TFR2: variants seen among roughly 807,000 people sequenced by gnomAD.
TFR2 encodes transferrin receptor protein 2.
In TFR2, 64 loss-of-function variants were observed where a neutral mutation model predicts 91.9. The observed-to-expected ratio is 0.70, with a 90% confidence interval of 0.57 to 0.86. The LOEUF (loss-of-function observed/expected upper bound fraction) is 0.86, where lower values mean the gene tolerates loss of function less well. TFR2 is among the 40% of genes least tolerant of loss of function. The pLI is 0.00. For synonymous variants in TFR2, 454 were observed against 459.6 expected (o/e 0.99, Z 0.15); for missense variants, 950 against 1,080.5 (o/e 0.88, Z 1.69).
At chr7:100,622,827 T>C (rs967468540) in intron 17 of TFR2, among the ~76,000 whole-genome samples, 1 of 152,012 alleles carries the variant, frequency 6.6e-6, no homozygotes, top group African/African-American at 2.4e-5. Context: ...GGTATGCTGA[T>C]GTGTCCCTGT....
intron 17 of TFR2, among the ~76,000 whole-genome samples, chr7:100,623,326 G>C (rs1201877420): frequency 6.6e-6 from 1 of 152,178 alleles, no homozygotes; most frequent in African/African-American, 2.4e-5. Context: ...TCTATTCTAA[G>C]ACAACTATTA....
At chr7:100,637,812 C>CA (rs201023789) in intron 3 of TFR2, among the ~76,000 whole-genome samples, 11 of 133,434 alleles carry the variant, frequency 8.2e-5, no homozygotes, top group Admixed American at 6.7e-4. Context: ...GGCCCTGTCT[C>CA]AAAAAAAAAT....
chr7:100,639,503 A>G (rs568172473), intron 3 of TFR2, among the ~76,000 whole-genome samples: 107 of 152,338 alleles, frequency 7.0e-4, no homozygotes, highest in African/African-American at 2.5e-3. Flanking sequence ...CATTGCTATT[A>G]AAGTCAGGAA....
chr7:100,621,166 G>A (rs1417362085), intron 17 of TFR2, 40 bp from the exon 18 acceptor site: 2 of 1,450,556 alleles, frequency 1.4e-6, no homozygotes, highest in South Asian at 1.5e-5. Context: ...TGGGGGCTCT[G>A]GCTCGGGAGC....
At chr7:100,633,386 C>CT in intron 4 of TFR2, 30 bp downstream of exon 4, 2 of 1,607,452 alleles carry the variant, frequency 1.2e-6, no homozygotes, top group Non-Finnish European at 1.7e-6. Context: ...TCCCCCTCCC[C>CT]GCGCGCCCCC....
rs559992587 is a variant in TFR2 at position 100,624,004 on chromosome 7, C to T, written c.2136+2759G>A. Among the ~76,000 whole-genome samples the T allele has an allele frequency of 2.1e-4, 32 of 151,792 alleles. No individual in the cohort carries two copies. In the South Asian group the frequency reaches 5.2e-3, roughly 25 times the overall value. ...CCGACAGGCAGAGGTTACAGTGAGC[C>T]GGGATCGCGCCACTGCACTCCAGTC... On this transcript the variant is annotated intron_variant, in intron 17 of 17. Transcript: ENST00000223051.
Position 100,627,284 on chromosome 7 carries a change from C to T in TFR2, c.1975G>A (p.Glu659Lys), listed in dbSNP as rs1247335630. 1 of 1,549,254 alleles carries T rather than the reference C, an allele frequency of 6.5e-7. No individual in the cohort carries two copies. Among genetic ancestry groups the T allele is most frequent in the Middle Eastern group, 2.2e-4 (1 of 4,458 alleles). ...TGAACCTTGAGGTCCCCAGAGAACTCGTTGAGGTTCCCGATGTGCCTGAGG... is the reference window on the plus strand; with the variant it reads ...TGAACCTTGAGGTCCCCAGAGAACTTGTTGAGGTTCCCGATGTGCCTGAGG... The part of the protein sequence containing the change: ...VVLRHIGNLN[E>K]FSGDLKARGL... Residue 659 changes from glutamate (E) to lysine (K), a missense_variant, in exon 16 of 18, where the codon GAG becomes AAG. Coordinates refer to ENST00000223051, the MANE Select transcript of TFR2 (RefSeq NM_003227.4).
chr7:100,631,158 C>G (rs1165628038), intron 8 of TFR2, 106 bp from the exon 9 acceptor site: 3 of 1,303,452 alleles, frequency 2.3e-6, no homozygotes, highest in Non-Finnish European at 3.1e-6. Flanking sequence ...GGCTCCAGAT[C>G]GCTGCCTCTG....
At chr7:100,632,941 C>G in intron 6 of TFR2, 60 bp downstream of exon 6, 1 of 1,613,304 alleles carries the variant, frequency 6.2e-7, no homozygotes, top group East Asian at 2.2e-5. Context: ...ACGATTCTCA[C>G]TGGCAGTCCG....
intron 3 of TFR2, among the ~76,000 whole-genome samples, chr7:100,636,170 C>CTTT (rs10584926): frequency 9.3e-5 from 8 of 85,710 alleles, no homozygotes; most frequent in Non-Finnish European, 1.3e-4. Context: ...CACCCTGCAT[C>CTTT]TTTTTTTTTT....
At chr7:100,634,037 C>T (rs1007895501) in intron 3 of TFR2, among the ~76,000 whole-genome samples, 5 of 151,944 alleles carry the variant, frequency 3.3e-5, no homozygotes, top group Admixed American at 1.3e-4. Flanking sequence ...CCCATCACCA[C>T]CAGGGCGGCG....
rs765746785 is a variant in TFR2, at chr7:100,633,091, G to A, written c.759C>T (p.Pro253=). The A allele has an allele frequency of 1.2e-6, 2 of 1,613,472 alleles. No individual in the cohort carries two copies. Among genetic ancestry groups the A allele is most frequent in the Non-Finnish European group, 1.7e-6 (2 of 1,179,910 alleles). Residue 253 remains proline, a synonymous_variant, in exon 6 of 18, where the codon CCC becomes CCT. Transcript: ENST00000223051. ...TGGCCCGCAGGTCCTGCAGGTCTTC[G>A]GGCCGCCCGTAGTGGGCGTACACCA... ...GELVYAHYGR[P]EDLQDLRARG...
chr7:100,641,094 C>A lies in TFR2; in HGVS notation c.168G>T (p.Leu56=). 1 of 1,598,340 alleles carries A rather than the reference C, an allele frequency of 6.3e-7. No individual in the cohort carries two copies. Among genetic ancestry groups the A allele is most frequent in the Non-Finnish European group, 8.5e-7 (1 of 1,171,816 alleles). Reference sequence around the variant, plus strand: ...TAGAGCCCAGGGGCTCAGGGCCCCTCAGCTCCATGGGGCAGAAGTGGGCCA... The same window carrying A: ...TAGAGCCCAGGGGCTCAGGGCCCCTAAGCTCCATGGGGCAGAAGTGGGCCA... ...ETLAHFCPME[L]RGPEPLGSRP... Residue 56 remains leucine, a synonymous_variant, in exon 2 of 18, where the codon CTG becomes CTT. Transcript: ENST00000223051.
At chr7:100,634,949 T>C (rs1279907795) in intron 3 of TFR2, among the ~76,000 whole-genome samples, 2 of 152,142 alleles carry the variant, frequency 1.3e-5, no homozygotes, top group Non-Finnish European at 2.9e-5. Flanking sequence ...TTCTTTCTTT[T>C]TTTTTTTGAG....
At chr7:100,629,730 TTTAC>T (rs35190962) in intron 9 of TFR2, among the ~76,000 whole-genome samples, 12,166 of 152,078 alleles carry the variant, frequency 0.08, 1,508 homozygotes, top group East Asian at 0.51. Flanking sequence ...GCTAATTTCT[TTTAC>T]TTACTTACTT....
At chr7:100,640,593 C>T in intron 3 of TFR2, 93 bp downstream of exon 3, 1 of 1,452,656 alleles carries the variant, frequency 6.9e-7, no homozygotes. Flanking sequence ...GGGACCCAGA[C>T]ACCAGAGGCC....
intron 6 of TFR2, chr7:100,632,766 G>C (rs1177378935): frequency 5.4e-5 from 23 of 427,704 alleles, no homozygotes; most frequent in Non-Finnish European, 7.9e-5. Flanking sequence ...TTTTAGTAGA[G>C]AGGGGGTTCT....
chr7:100,637,625 AAAT>A (rs149870869), intron 3 of TFR2, among the ~76,000 whole-genome samples: 25,400 of 151,382 alleles, frequency 0.17, 2,379 homozygotes, highest in Non-Finnish European at 0.21. Flanking sequence ...TCCTGTCCCT[AAAT>A]AATAATAATA....
rs747641200 is a variant in TFR2, at chr7:100,631,889, G to A, written c.1023C>T (p.Thr341=). 2 of 1,614,060 alleles carry A rather than the reference G, an allele frequency of 1.2e-6. No homozygotes were observed. The highest frequency in any genetic ancestry group is 1.7e-5 in the Admixed American group (1 of 59,992). The part of the protein sequence containing the change: ...YTPGFPSFNQ[T]QFPPVASSGL... ...CTGATGATGCAACTGGAGGGAACTG[G>A]GTTTGATTGAAGGAAGGGAAGCCAG... The change falls in exon 8 of 18, where the codon ACC becomes ACT. Residue 341 remains threonine (T), a synonymous_variant. Transcript: ENST00000223051.
Sources: gnomAD v4.1 joint callset for allele counts (sites outside exome capture counted in the v4.1 genomes callset) on GRCh38, gnomAD v4.1.1 for gene constraint, MANE v1.5 for transcripts, NCBI Gene and HGNC (gene_info 2026-07-23, HGNC 2026-07-21) for gene names.